The following TNR variants were observed in gnomAD, a reference collection of about 807,000 sequenced individuals.
TNR encodes tenascin R.
Under a neutral mutation model 150.4 loss-of-function variants are expected in TNR, and 45 were observed. The ratio of observed to expected loss-of-function variants is 0.30; its 90% CI spans 0.24 to 0.38. The LOEUF is 0.38. TNR is among the 10% of genes least tolerant of loss of function. TNR has a pLI of 1.00. For synonymous variants in TNR, 687 were observed against 678.4 expected, an observed-to-expected ratio of 1.01 and a Z score of -0.20; for missense variants, 1,544 against 1,759.1, an observed-to-expected ratio of 0.88 and a Z score of 2.19.
intron 1 of TNR, among the ~76,000 whole-genome samples, chr1:175,577,820 C>T (rs547014743): frequency 3.1e-4 from 47 of 152,260 alleles, no homozygotes; most frequent in African/African-American, 1.1e-3. Flanking sequence ...ATGCTATATT[C>T]CCGAGCCTAT....
chr1:175,733,788 C>T (rs1667703717), intron 1 of TNR, among the ~76,000 whole-genome samples: 1 of 152,082 alleles, frequency 6.6e-6, no homozygotes, highest in Non-Finnish European at 1.5e-5. Context: ...CACAATGAAA[C>T]TTAAGCCCTT....
intron 1 of TNR, among the ~76,000 whole-genome samples, chr1:175,677,737 C>T (rs1665906364): frequency 6.6e-6 from 1 of 152,128 alleles, no homozygotes; most frequent in Non-Finnish European, 1.5e-5. Context: ...GTGCAGTGAC[C>T]TTAGCCAAGG....
intron 19 of TNR, among the ~76,000 whole-genome samples, chr1:175,337,243 G>A (rs1428463475): frequency 1.3e-5 from 2 of 152,128 alleles, no homozygotes; most frequent in African/African-American, 2.4e-5. Context: ...AGATCCTTGG[G>A]CCCAACAGAC....
At chr1:175,377,278 C>T (rs1161750615) in intron 9 of TNR, among the ~76,000 whole-genome samples, 2 of 152,030 alleles carry the variant, frequency 1.3e-5, no homozygotes, top group East Asian at 1.9e-4. Flanking sequence ...TCTTTTTTCC[C>T]GGTAGAGGGA....
chr1:175,729,108 T>A (rs971210688), intron 1 of TNR, among the ~76,000 whole-genome samples: 2 of 152,196 alleles, frequency 1.3e-5, no homozygotes, highest in Admixed American at 1.3e-4. Flanking sequence ...ATATCCTATG[T>A]GTGGCTATTT....
At chr1:175,534,197 A>G (rs1660181788) in intron 1 of TNR, among the ~76,000 whole-genome samples, 1 of 152,188 alleles carries the variant, frequency 6.6e-6, no homozygotes. Flanking sequence ...GAGGACTCAC[A>G]GGGTTGGGTG....
chr1:175,481,285 T>C (rs1335703495), intron 2 of TNR, among the ~76,000 whole-genome samples: 1 of 152,218 alleles, frequency 6.6e-6, no homozygotes, highest in Non-Finnish European at 1.5e-5. Context: ...GAGATTTAAG[T>C]ATGTGGTAAT....
intron 2 of TNR, among the ~76,000 whole-genome samples, chr1:175,445,935 A>C (rs370004915): frequency 3.3e-5 from 5 of 152,192 alleles, no homozygotes; most frequent in Admixed American, 6.5e-5. Context: ...GGACGATATA[A>C]TTTCATTCGA....
chr1:175,426,106 C>T (rs1224523076), intron 2 of TNR, among the ~76,000 whole-genome samples: 1 of 152,160 alleles, frequency 6.6e-6, no homozygotes, highest in Non-Finnish European at 1.5e-5. Flanking sequence ...GAGACTCAGC[C>T]TCCAAGAGAG....
At chr1:175,331,059 T>TTCTTTCTTTCTG (rs1649801083) in intron 20 of TNR, among the ~76,000 whole-genome samples, 1 of 121,766 alleles carries the variant, frequency 8.2e-6, no homozygotes, top group African/African-American at 3.3e-5. Flanking sequence ...CTTTCTTTCT[T>TTCTTTCTTTCTG]TCTTTCTTTC....
rs376838445 is a variant in TNR, at chr1:175,484,921, G to A, written c.-64+43348C>T. Among the ~76,000 whole-genome samples, 8 of 152,094 alleles carry A rather than the reference G, an allele frequency of 5.3e-5. No homozygotes were observed. The South Asian group carries it at 8.3e-4, about 16-fold the overall frequency. On this transcript the variant is annotated intron_variant, in intron 2 of 22. Coordinates refer to ENST00000367674, the MANE Select transcript of TNR (RefSeq NM_003285.3). ...AGAACTGTTCCTTCCAGAAAATAACGTATCAGAAGGCAGAAAAATAATTAT... is the reference window on the plus strand; with the variant it reads ...AGAACTGTTCCTTCCAGAAAATAACATATCAGAAGGCAGAAAAATAATTAT...
At chr1:175,374,700 A>G (rs1571354238) in intron 9 of TNR, among the ~76,000 whole-genome samples, 1 of 152,224 alleles carries the variant, frequency 6.6e-6, no homozygotes, top group African/African-American at 2.4e-5. Context: ...TCAACTGGAG[A>G]TAGAGATAGT....
At chr1:175,558,312 CTT>C (rs765167591) in intron 1 of TNR, among the ~76,000 whole-genome samples, 1 of 151,948 alleles carries the variant, frequency 6.6e-6, no homozygotes, top group Non-Finnish European at 1.5e-5. Context: ...ATGGACAACT[CTT>C]TCTTTTTTAA....
chr1:175,447,500 A>T (rs1656108645), intron 2 of TNR, among the ~76,000 whole-genome samples: 1 of 151,996 alleles, frequency 6.6e-6, no homozygotes, highest in South Asian at 2.1e-4. Flanking sequence ...TCTGCTTTTG[A>T]CTCTTGATAA....
rs1048484347 is a variant in TNR at position 175,721,035 on chromosome 1, T to C, written c.-165+22191A>G. On this transcript the variant is annotated intron_variant, in intron 1 of 22. Coordinates refer to ENST00000367674, the MANE Select transcript of TNR (RefSeq NM_003285.3). ...GTGAGGGCATGGGACCCTTGTCTTA[T>C]GCATATTCATCTTCATTGCTTAGCT... Among the ~76,000 whole-genome samples, 4 of 152,240 alleles carry C rather than the reference T, an allele frequency of 2.6e-5. No homozygotes were observed. In the East Asian group the frequency reaches 7.7e-4, roughly 29 times the overall value.
intron 2 of TNR, among the ~76,000 whole-genome samples, chr1:175,447,140 C>T (rs112440869): frequency 6.6e-6 from 1 of 151,906 alleles, no homozygotes; most frequent in South Asian, 2.1e-4. Context: ...GCCCAGCACC[C>T]TCATCTGGGA....
chr1:175,632,393 C>T (rs1664353186), intron 1 of TNR, among the ~76,000 whole-genome samples: 1 of 152,222 alleles, frequency 6.6e-6, no homozygotes, highest in African/African-American at 2.4e-5. Context: ...CATCTCACCA[C>T]ATGATCATTG....
intron 2 of TNR, among the ~76,000 whole-genome samples, chr1:175,525,177 C>T (rs891844775): frequency 3.3e-5 from 5 of 152,298 alleles, no homozygotes; most frequent in African/African-American, 1.2e-4. Flanking sequence ...TGGCACTTCT[C>T]CTTCCTGCCA....
intron 2 of TNR, among the ~76,000 whole-genome samples, chr1:175,447,708 G>T (rs1656119477): frequency 6.6e-6 from 1 of 152,086 alleles, no homozygotes; most frequent in South Asian, 2.1e-4. Context: ...TTCTATTCTT[G>T]ATTTTGTATC....
Sources: gnomAD v4.1 joint callset for allele counts (sites outside exome capture counted in the v4.1 genomes callset) on GRCh38, gnomAD v4.1.1 for gene constraint, MANE v1.5 for transcripts, NCBI Gene and HGNC (gene_info 2026-07-23, HGNC 2026-07-21) for gene names.